The following PHF3 variants were observed in gnomAD, a reference collection of about 807,000 sequenced individuals.
The protein encoded by PHF3 is PHD finger protein 3.
Under a neutral mutation model 178.4 loss-of-function variants are expected in PHF3, and 41 were observed. That is an observed-to-expected ratio of 0.23 (90% confidence interval 0.18 to 0.30). The LOEUF (loss-of-function observed/expected upper bound fraction) is 0.30. Ranked by LOEUF, PHF3 falls within the 10% of genes least tolerant of loss-of-function variation. The pLI, the probability that PHF3 is intolerant of heterozygous loss-of-function variation, is 1.00. For missense variants in PHF3, 2,346 were observed against 2,398.1 expected (o/e 0.98, Z 0.45); for synonymous variants, 842 against 800.5 (o/e 1.05, Z -0.88).
At position 63,702,682 on chromosome 6, in the gene PHF3, A is replaced by C. The variant is rs371825587; in HGVS notation, c.3231+43A>C. On this transcript the variant is annotated intron_variant, in intron 10 of 15. Coordinates refer to ENST00000262043, the MANE Select transcript of PHF3 (RefSeq NM_001370348.2). ...ATGTTTTATAGCTCAAAACATGAAG[A>C]TTCAGAAAAGGTTTATTTGCCTAAT... 16 of 1,545,066 alleles carry C rather than the reference A, an allele frequency of 1.0e-5. No individual in the cohort carries two copies. The African/African-American group carries it at 2.2e-4, about 21-fold the overall frequency.
At chr6:63,638,900 A>G (rs1213940477) in intron 1 of PHF3, among the ~76,000 whole-genome samples, 1 of 152,148 alleles carries the variant, frequency 6.6e-6, no homozygotes, top group Non-Finnish European at 1.5e-5. Flanking sequence ...TTGATTACAC[A>G]TGGAAAGATA....
intron 2 of PHF3, among the ~76,000 whole-genome samples, chr6:63,669,199 T>C (rs1345633867): frequency 6.6e-6 from 1 of 152,216 alleles, no homozygotes. Context: ...TAAATAAATC[T>C]TCAAGAAACT....
At chr6:63,654,835 C>T (rs1384965749) in intron 2 of PHF3, among the ~76,000 whole-genome samples, 1 of 149,650 alleles carries the variant, frequency 6.7e-6, no homozygotes, top group Non-Finnish European at 1.5e-5. Context: ...GACCCGTTGA[C>T]TGAGGTGTTT....
chr6:63,694,686 T>G lies in PHF3; in HGVS notation c.2602T>G (p.Ser868Ala). The change falls in exon 6 of 16, where the codon TCC becomes GCC. Residue 868 changes from serine (S) to alanine (A), a missense_variant. By Grantham distance (99) the Ser-to-Ala change is moderately conservative. This residue lies in a region of PHF3 where 252 missense variants were observed against 232.0 expected (regional missense o/e 1.09). Coordinates refer to ENST00000262043, the MANE Select transcript of PHF3 (RefSeq NM_001370348.2). Reference sequence around the variant, plus strand: ...GGGACAACCAGTTTTACCTCGGAGATCCTCAGAAGAAAAAAGTGAAAAAAT... The same window carrying G: ...GGGACAACCAGTTTTACCTCGGAGAGCCTCAGAAGAAAAAAGTGAAAAAAT... ...KMGQPVLPRRSSEEKSEKIPK... is the reference protein window; with the variant it reads ...KMGQPVLPRRASEEKSEKIPK... The G allele has an allele frequency of 1.2e-6, 2 of 1,601,106 alleles. No individual in the cohort carries two copies. The highest frequency in any genetic ancestry group is 1.1e-5 in the South Asian group (1 of 88,940).
chr6:63,670,921 A>G (rs891950441), intron 2 of PHF3, among the ~76,000 whole-genome samples: 7 of 152,168 alleles, frequency 4.6e-5, no homozygotes, highest in African/African-American at 1.7e-4. Context: ...GGCCTCTTTT[A>G]CTGAAAAAAA....
chr6:63,686,267 TATTA>T, intron 4 of PHF3: 1 of 198,142 alleles, frequency 5.0e-6, no homozygotes. Context: ...GTAAGTTATA[TATTA>T]ATTCATTTGG....
Position 63,691,851 on chromosome 6 carries a change from A to G in PHF3, c.2304A>G (p.Lys768=), listed in dbSNP as rs1561970727. The G allele has an allele frequency of 1.9e-6, 3 of 1,613,848 alleles. No homozygotes were observed. Among genetic ancestry groups the G allele is most frequent in the African/African-American group, 1.3e-5 (1 of 74,946 alleles). ...GEEDKEYVCV[K]CCAEEDKKTE... is the part of the protein sequence containing the mutation. The stretch of plus-strand genomic sequence containing the variant: ...AAGACAAAGAATATGTCTGTGTAAA[A>G]TGTTGTGCTGAAGAAGACAAAAAGA... The change falls in exon 5 of 16, where the codon AAA becomes AAG. Residue 768 remains lysine (K), a synonymous_variant. Coordinates refer to ENST00000262043, the MANE Select transcript of PHF3 (RefSeq NM_001370348.2).
In PHF3 at chr6:63,637,235, G is replaced by A. The variant is rs73439232; in HGVS notation, c.-26+1085G>A. On this transcript the variant is annotated intron_variant, in intron 1 of 15. Coordinates refer to ENST00000262043, the MANE Select transcript of PHF3 (RefSeq NM_001370348.2). ...ACCAATGCAGTAAACTCTGTAGGGA[G>A]TACTTAAACAGTACGTTGTTGTATT... Among the ~76,000 whole-genome samples the A allele has an allele frequency of 2.9e-3, 440 of 152,292 alleles. 2 individuals carry two copies. The highest frequency in any genetic ancestry group is 0.01 in the African/African-American group (427 of 41,562).
Position 63,646,551 on chromosome 6 carries a change from C to G in PHF3, c.-1C>G. On this transcript the variant is annotated 5_prime_UTR_variant, in exon 2 of 16. Transcript: ENST00000262043. ...GGGCTGAAAGACACACAGAAGTCTT[C>G]ATGGATATAGTTGATACATTTAATC... 6.2e-7 allele frequency: 1 copy of G among 1,606,924 alleles called. No individual in the cohort carries two copies. The highest frequency in any genetic ancestry group is 1.1e-5 in the South Asian group (1 of 90,502).
At chr6:63,704,756 C>T (rs1561980286) in intron 11 of PHF3, among the ~76,000 whole-genome samples, 1 of 151,950 alleles carries the variant, frequency 6.6e-6, no homozygotes, top group Non-Finnish European at 1.5e-5. Flanking sequence ...TGGGTAAATA[C>T]CATGGAGCAC....
At chr6:63,677,749 G>A (rs1766233989) in intron 2 of PHF3, among the ~76,000 whole-genome samples, 1 of 152,076 alleles carries the variant, frequency 6.6e-6, no homozygotes, top group Non-Finnish European at 1.5e-5. Context: ...AACAGCAATG[G>A]CAAAATTCCT....
At chr6:63,650,895 A>G (rs946054697) in intron 2 of PHF3, among the ~76,000 whole-genome samples, 2 of 150,650 alleles carry the variant, frequency 1.3e-5, no homozygotes, top group African/African-American at 5.0e-5. Flanking sequence ...TCAGATATTT[A>G]TTACTCCCTA....
rs2149613866 is a variant in PHF3, at chr6:63,713,009, T to C, written c.5421T>C (p.His1807=). The change falls in exon 16 of 16, where the codon CAT becomes CAC. Residue 1807 remains histidine, a synonymous_variant. Transcript: ENST00000262043. ...PMRPQQPNLQ[H]LKSSPPGFPF... ...GGCCACAGCAGCCCAACCTTCAGCA[T>C]CTCAAGTCTAGCCCACCTGGATTTC... The C allele has an allele frequency of 6.2e-7, 1 of 1,614,004 alleles. No homozygotes were observed. Among genetic ancestry groups the C allele is most frequent in the Non-Finnish European group, 8.5e-7 (1 of 1,179,950 alleles).
chr6:63,673,574 A>G (rs754761082), intron 2 of PHF3, among the ~76,000 whole-genome samples: 3 of 152,222 alleles, frequency 2.0e-5, no homozygotes, highest in Non-Finnish European at 4.4e-5. Flanking sequence ...CTTCACATCT[A>G]CAACAATCAG....
Position 63,685,911 on chromosome 6 carries a change from G to GGT in PHF3, c.2189+9_2189+10dup, listed in dbSNP as rs1766680197. 3.1e-6 allele frequency: 5 copies of GGT among 1,607,578 alleles called. No homozygotes were observed. The highest frequency in any genetic ancestry group is 2.2e-5 in the East Asian group (1 of 44,854). ...TTTTGCAAAAAACCACATGGCAACA[G>GGT]GTGTGTGTGTATGTGTGTATGAGTG... On this transcript the variant is annotated frameshift_variant and splice_region_variant. Coordinates refer to ENST00000262043, the MANE Select transcript of PHF3 (RefSeq NM_001370348.2). LOFTEE classifies it high-confidence loss of function.
At position 63,721,777 on chromosome 6, in the gene PHF3, A is replaced by C; in HGVS notation, c.*8069A>C. 1 of 1,544,778 alleles carries C rather than the reference A, an allele frequency of 6.5e-7. No individual in the cohort carries two copies. The highest frequency in any genetic ancestry group is 2.4e-5 in the East Asian group (1 of 40,848). On this transcript the variant is annotated 3_prime_UTR_variant, in exon 16 of 16. Transcript: ENST00000262043. Reference sequence around the variant, plus strand: ...CGAAGTTGAACGGAACTATTTACTAAAGAGATGCATAAAAAATCACCTGCA... The same window carrying C: ...CGAAGTTGAACGGAACTATTTACTACAGAGATGCATAAAAAATCACCTGCA...
intron 4 of PHF3, among the ~76,000 whole-genome samples, chr6:63,686,569 C>A (rs1159107763): frequency 6.6e-6 from 1 of 151,996 alleles, no homozygotes; most frequent in Non-Finnish European, 1.5e-5. Context: ...ATCATTCTTT[C>A]TAGTATTCAG....
chr6:63,685,312 A>G lies in PHF3; in HGVS notation c.1590A>G (p.Arg530=), dbSNP rs769918062. 6.2e-7 allele frequency: 1 copy of G among 1,614,028 alleles called. No individual in the cohort carries two copies. Among genetic ancestry groups the G allele is most frequent in the African/African-American group, 1.3e-5 (1 of 74,934 alleles). ...KTKVNVKSVK[R]NTDVPESQQN... is the part of the protein sequence containing the mutation. Reference sequence around the variant, plus strand: ...AAGTTAATGTCAAAAGTGTGAAACGAAATACTGATGTACCAGAATCTCAGC... The same window carrying G: ...AAGTTAATGTCAAAAGTGTGAAACGGAATACTGATGTACCAGAATCTCAGC... The change falls in exon 4 of 16, where the codon CGA becomes CGG. Residue 530 remains arginine, a synonymous_variant. Coordinates refer to ENST00000262043, the MANE Select transcript of PHF3 (RefSeq NM_001370348.2).
At chr6:63,649,860 G>A (rs1195705514) in intron 2 of PHF3, among the ~76,000 whole-genome samples, 1 of 152,126 alleles carries the variant, frequency 6.6e-6, no homozygotes, top group Admixed American at 6.6e-5. Context: ...CAAGTAACAG[G>A]TTTGAGATAG....
Sources: gnomAD v4.1 joint callset for allele counts (sites outside exome capture counted in the v4.1 genomes callset) on GRCh38, gnomAD v4.1.1 for gene constraint, gnomAD v4.1.1 regional missense constraint, MANE v1.5 for transcripts, NCBI Gene and HGNC (gene_info 2026-07-23, HGNC 2026-07-21) for gene names.